The following SPATA13 variants were observed in gnomAD, a reference collection of about 807,000 sequenced individuals.
SPATA13 encodes the protein spermatogenesis associated 13.
Under a neutral mutation model 104.0 loss-of-function variants are expected in SPATA13, and 50 were observed. The observed-to-expected ratio is 0.48, with a 90% confidence interval of 0.38 to 0.61. The LOEUF is 0.61. Among genes scored for constraint, SPATA13 ranks in the 20% least tolerant of loss-of-function variants. The pLI, the probability that SPATA13 is intolerant of heterozygous loss-of-function variation, is 0.00. For missense variants in SPATA13, 1,524 were observed against 1,690.6 expected (o/e 0.90, Z 1.73); for synonymous variants, 606 against 667.5 (o/e 0.91, Z 1.42).
At chr13:24,048,465 C>CTAGG in intron 3 of SPATA13, among the ~76,000 whole-genome samples, 1 of 152,178 alleles carries the variant, frequency 6.6e-6, no homozygotes, top group East Asian at 1.9e-4. Flanking sequence ...ATCTAGTAAA[C>CTAGG]TAATCAAGGA....
chr13:24,091,442 C>T lies in SPATA13; in HGVS notation c.-112+73741C>T, dbSNP rs142613553. Among the ~76,000 whole-genome samples the T allele has an allele frequency of 6.6e-5, 10 of 152,332 alleles. No homozygotes were observed. The East Asian group carries it at 1.5e-3, about 23-fold the overall frequency. Reference sequence around the variant, plus strand: ...AACAATTGCCATTAATAGTGTTTGACAAATGCCTTTGAGATACGGCTGTTA... The same window carrying T: ...AACAATTGCCATTAATAGTGTTTGATAAATGCCTTTGAGATACGGCTGTTA... On this transcript the variant is annotated intron_variant, in intron 3 of 14. Transcript: ENST00000424834.
At chr13:24,169,879 T>C (rs904039959) in intron 1 of SPATA13, among the ~76,000 whole-genome samples, 1 of 152,226 alleles carries the variant, frequency 6.6e-6, no homozygotes. Context: ...GGAAAAATAC[T>C]CAGGGCATGA....
chr13:24,294,431 C>T (rs545546163), intron 9 of SPATA13, among the ~76,000 whole-genome samples: 115 of 152,330 alleles, frequency 7.5e-4, no homozygotes, highest in African/African-American at 2.6e-3. Context: ...ATGAAAGTCA[C>T]CCATTGTCAC....
In SPATA13 at chr13:23,983,017, G is replaced by A. The variant is rs145429428; in HGVS notation, c.-353-710G>A. ...CAGTGAAAGGAGGAGCTGGAGAGGGGCTCCCTGGAGCAAAATGAAGTGAGA... is the reference window on the plus strand; with the variant it reads ...CAGTGAAAGGAGGAGCTGGAGAGGGACTCCCTGGAGCAAAATGAAGTGAGA... On this transcript the variant is annotated intron_variant, in intron 1 of 14. Coordinates refer to the SPATA13 transcript ENST00000424834. Among the ~76,000 whole-genome samples, 187 of 152,346 alleles carry A rather than the reference G, an allele frequency of 1.2e-3. 1 individual carries two copies. The highest frequency in any genetic ancestry group is 3.4e-3 in the Middle Eastern group (1 of 294).
At chr13:24,123,755 G>A in intron 3 of SPATA13, 1 of 1,404,584 alleles carries the variant, frequency 7.1e-7, no homozygotes, top group Non-Finnish European at 1.0e-6. Context: ...CTTGGATAAT[G>A]CCTTGTATAT....
chr13:24,109,233 T>C (rs887138251), intron 3 of SPATA13, among the ~76,000 whole-genome samples: 1 of 152,168 alleles, frequency 6.6e-6, no homozygotes, highest in African/African-American at 2.4e-5. Flanking sequence ...CTTGTGATAG[T>C]TTCCTGAGAA....
At chr13:24,197,319 A>G (rs1870113989) in intron 1 of SPATA13, among the ~76,000 whole-genome samples, 1 of 152,258 alleles carries the variant, frequency 6.6e-6, no homozygotes, top group South Asian at 2.1e-4. Flanking sequence ...AAACAGTGCA[A>G]TAGTGATTAA....
intron 1 of SPATA13, among the ~76,000 whole-genome samples, chr13:24,199,225 G>A (rs1172630723): frequency 6.6e-6 from 1 of 152,102 alleles, no homozygotes; most frequent in Non-Finnish European, 1.5e-5. Context: ...AAATCTCAGA[G>A]GTTTGGAATC....
At chr13:24,093,540 C>A (rs1879974552) in intron 3 of SPATA13, among the ~76,000 whole-genome samples, 1 of 152,176 alleles carries the variant, frequency 6.6e-6, no homozygotes, top group Non-Finnish European at 1.5e-5. Context: ...ACCCCAAAAA[C>A]AGCTGGAAAG....
chr13:24,215,885 G>C (rs1291172963), intron 1 of SPATA13, among the ~76,000 whole-genome samples: 1 of 152,212 alleles, frequency 6.6e-6, no homozygotes. Flanking sequence ...AAATGTGGGG[G>C]AGGTGCAGTC....
intron 1 of SPATA13, among the ~76,000 whole-genome samples, chr13:24,220,694 G>A (rs910614819): frequency 6.6e-6 from 1 of 152,276 alleles, no homozygotes; most frequent in South Asian, 2.1e-4. Flanking sequence ...GAGGGCGTGT[G>A]GTAGCCCATC....
intron 3 of SPATA13, among the ~76,000 whole-genome samples, chr13:24,136,333 G>A (rs893541565): frequency 6.6e-6 from 1 of 152,040 alleles, no homozygotes; most frequent in African/African-American, 2.4e-5. Context: ...AAAATTAGCC[G>A]GGTGTGGTGG....
intron 1 of SPATA13, among the ~76,000 whole-genome samples, chr13:24,191,218 C>G (rs1319957727): frequency 6.6e-6 from 1 of 152,124 alleles, no homozygotes; most frequent in Non-Finnish European, 1.5e-5. Context: ...TCAAACAATC[C>G]TCCTGCCTCG....
chr13:24,074,439 G>A (rs954898490), intron 3 of SPATA13, among the ~76,000 whole-genome samples: 2 of 151,928 alleles, frequency 1.3e-5, no homozygotes, highest in African/African-American at 4.8e-5. Context: ...CCACCTTTTG[G>A]CTATTGTGAA....
intron 1 of SPATA13, among the ~76,000 whole-genome samples, chr13:24,189,504 T>C (rs1869380740): frequency 7.2e-6 from 1 of 138,632 alleles, no homozygotes; most frequent in African/African-American, 2.7e-5. Context: ...CGTGTATATA[T>C]ATATATAATA....
At chr13:24,019,136 TGGAGTG>T (rs1876851885) in intron 3 of SPATA13, among the ~76,000 whole-genome samples, 1 of 149,108 alleles carries the variant, frequency 6.7e-6, no homozygotes, top group Non-Finnish European at 1.5e-5. Flanking sequence ...TCGCCCAGGC[TGGAGTG>T]CAGTGGCGGG....
intron 3 of SPATA13, among the ~76,000 whole-genome samples, chr13:24,083,274 G>C (rs745918): frequency 7.2e-5 from 11 of 152,042 alleles, no homozygotes; most frequent in Non-Finnish European, 1.5e-4. Context: ...CTTGCAGGCC[G>C]TGAGTGACAC....
intron 3 of SPATA13, among the ~76,000 whole-genome samples, chr13:24,070,087 G>A (rs1259009842): frequency 6.6e-6 from 1 of 152,342 alleles, no homozygotes; most frequent in Admixed American, 6.5e-5. Flanking sequence ...AGTTTAGCTT[G>A]GACGGTGTTT....
chr13:24,117,988 G>A (rs1880906968), intron 3 of SPATA13, among the ~76,000 whole-genome samples: 1 of 152,278 alleles, frequency 6.6e-6, no homozygotes, highest in South Asian at 2.1e-4. Context: ...AAACTTGAAT[G>A]ATGTTAGTTA....
Sources: allele counts gnomAD v4.1 joint callset (sites outside exome capture counted in the v4.1 genomes callset), GRCh38; gene constraint gnomAD v4.1.1; transcripts MANE v1.5; gene names NCBI Gene and HGNC (gene_info 2026-07-23, HGNC 2026-07-21).